The following USP45 variants were observed in gnomAD, a reference collection of about 807,000 sequenced individuals.
USP45 encodes the protein ubiquitin carboxyl-terminal hydrolase 45.
USP45 carries 89 observed loss-of-function variants against 95.8 expected under a neutral mutation model. The observed-to-expected ratio is 0.93, with a 90% CI of 0.78 to 1.11. The LOEUF is 1.11. Among genes scored for constraint, USP45 ranks in the 50% least tolerant of loss-of-function variants. The pLI, the probability that USP45 is intolerant of heterozygous loss-of-function variation, is 0.00. For synonymous variants in USP45, 281 were observed against 316.2 expected (o/e 0.89, Z 1.18); for missense variants, 898 against 942.5 (o/e 0.95, Z 0.62).
At chr6:99,511,880 T>TATATAC (rs1164282503) in intron 1 of USP45, among the ~76,000 whole-genome samples, 6 of 139,352 alleles carry the variant, frequency 4.3e-5, no homozygotes, top group Non-Finnish European at 9.3e-5. Flanking sequence ...TATATATATA[T>TATATAC]ATATATACAC....
chr6:99,446,073 T>C lies in USP45; in HGVS notation c.1699A>G (p.Thr567Ala), dbSNP rs375665297. ...TCAAAATCTTGATCTCCAGTTACAG[T>C]GCTGCTCAAACGAAGTTCAGAAATA... is the stretch of plus-strand genomic sequence containing the variant. ...EAISELRLSS[T>A]VTGDQDFDRE... is the part of the protein sequence containing the mutation. The change falls in exon 14 of 18, where the codon ACT becomes GCT. Residue 567 changes from threonine (T) to alanine (A), a missense_variant. Thr to Ala is a moderately conservative substitution (Grantham distance 58). Coordinates refer to ENST00000500704, the MANE Select transcript of USP45 (RefSeq NM_001346022.3). 1 of 1,613,956 alleles carries C rather than the reference T, an allele frequency of 6.2e-7. No individual in the cohort carries two copies. Among genetic ancestry groups the C allele is most frequent in the Non-Finnish European group, 8.5e-7 (1 of 1,180,040 alleles).
rs1780202394 is a variant in USP45, at chr6:99,434,766, A to G, written c.*950T>C. 1 of 152,202 alleles carries G rather than the reference A, an allele frequency of 6.6e-6. No individual in the cohort carries two copies. Among genetic ancestry groups the G allele is most frequent in the Non-Finnish European group, 1.5e-5 (1 of 68,014 alleles). The allele number at this position is 152,202 out of a possible 1,614,324, so 9.4% of individuals were successfully genotyped here. ...AAGAATATAATTCTCTATCATTTACAAATATAATTTGGTAATTTATATTTC... is the reference window on the plus strand; with the variant it reads ...AAGAATATAATTCTCTATCATTTACGAATATAATTTGGTAATTTATATTTC... On this transcript the variant is annotated 3_prime_UTR_variant, in exon 18 of 18. Coordinates refer to ENST00000500704, the MANE Select transcript of USP45 (RefSeq NM_001346022.3).
chr6:99,504,471 T>C lies in USP45; in HGVS notation c.378-606A>G, dbSNP rs538955100. Among the ~76,000 whole-genome samples, 3 of 152,206 alleles carry C rather than the reference T, an allele frequency of 2.0e-5. No individual in the cohort carries two copies. In the South Asian group the frequency reaches 6.2e-4, roughly 32 times the overall value. On this transcript the variant is annotated intron_variant, in intron 4 of 17. Coordinates refer to ENST00000500704, the MANE Select transcript of USP45 (RefSeq NM_001346022.3). ...TACACTTTAAAAACATCACTCTCACTAATGTGATAAACTAGATTGGAGGGA... is the reference window on the plus strand; with the variant it reads ...TACACTTTAAAAACATCACTCTCACCAATGTGATAAACTAGATTGGAGGGA...
intron 5 of USP45, among the ~76,000 whole-genome samples, chr6:99,493,083 C>T (rs1185194927): frequency 1.3e-5 from 2 of 151,940 alleles, no homozygotes; most frequent in African/African-American, 4.8e-5. Context: ...GGCTGGAGTG[C>T]AGTGGCACGA....
chr6:99,466,555 T>C (rs1413107626), intron 11 of USP45, 117 bp downstream of exon 11: 4 of 759,898 alleles, frequency 5.3e-6, no homozygotes, highest in Non-Finnish European at 8.9e-6. Context: ...AGAATCATTA[T>C]GTAATCATCT....
chr6:99,461,422 ACT>A, intron 13 of USP45: 2 of 985,284 alleles, frequency 2.0e-6, no homozygotes, highest in Non-Finnish European at 2.4e-6. Context: ...ATGGCTATTT[ACT>A]CTGTTTACGT....
At chr6:99,511,854 T>C (rs1799928895) in intron 1 of USP45, among the ~76,000 whole-genome samples, 1 of 15,406 alleles carries the variant, frequency 6.5e-5, no homozygotes, top group Non-Finnish European at 1.3e-4. Flanking sequence ...TGTATATATA[T>C]ATATATATAT....
chr6:99,469,649 T>G (rs939383663), intron 9 of USP45, among the ~76,000 whole-genome samples: 10 of 151,642 alleles, frequency 6.6e-5, no homozygotes, highest in Admixed American at 4.6e-4. Flanking sequence ...CTGGCTAATT[T>G]TTAAAAATTT....
At chr6:99,462,551 T>C (rs1786724300) in intron 13 of USP45, 2 of 985,382 alleles carry the variant, frequency 2.0e-6, no homozygotes, top group South Asian at 4.7e-5. Flanking sequence ...TTTTATACCA[T>C]TAGAATAAAG....
At position 99,460,440 on chromosome 6, in the gene USP45, T is replaced by A. The variant is rs115709734; in HGVS notation, c.1308+4164A>T. Among the ~76,000 whole-genome samples the A allele has an allele frequency of 8.1e-3, 1,230 of 152,208 alleles. 17 individuals carry two copies. Among genetic ancestry groups the A allele is most frequent in the African/African-American group, 0.028 (1,178 of 41,530 alleles). ...CAACACCACATGATAAACAAAAATA[T>A]CCTTGCAACTGTTTTACTTGGACTT... is the stretch of plus-strand genomic sequence containing the variant. On this transcript the variant is annotated intron_variant, in intron 13 of 17. Coordinates refer to ENST00000500704, the MANE Select transcript of USP45 (RefSeq NM_001346022.3).
chr6:99,492,745 G>C (rs1335910658), intron 5 of USP45, among the ~76,000 whole-genome samples: 3 of 152,058 alleles, frequency 2.0e-5, no homozygotes, highest in African/African-American at 7.2e-5. Context: ...GCACGCCTTG[G>C]CCTCCCAAAG....
intron 8 of USP45, among the ~76,000 whole-genome samples, chr6:99,478,220 G>GTTTTTTT (rs71021740): frequency 2.0e-5 from 2 of 99,450 alleles, no homozygotes; most frequent in Non-Finnish European, 3.9e-5. Flanking sequence ...ACTTAGATTT[G>GTTTTTTT]TTTTTTTTTT....
rs1192009636 is a variant in USP45, at chr6:99,455,096, A to AAC, written c.1309-8634_1309-8633insGT. ...CAGAGCGACACTCCATCTCAAAAAAAAAAAAACAAAAAACAAAAAAACAAA... is the reference window on the plus strand; with the variant it reads ...CAGAGCGACACTCCATCTCAAAAAAAACAAAAAACAAAAAACAAAAAAACAAA... On this transcript the variant is annotated intron_variant, in intron 13 of 17. Transcript: ENST00000500704. Among the ~76,000 whole-genome samples the AAC allele has an allele frequency of 8.2e-3, 1,236 of 150,942 alleles. 10 individuals carry two copies. Among genetic ancestry groups the AAC allele is most frequent in the Non-Finnish European group, 0.011 (720 of 67,762 alleles).
chr6:99,465,809 T>C (rs1158826776), intron 11 of USP45, among the ~76,000 whole-genome samples: 3 of 152,152 alleles, frequency 2.0e-5, no homozygotes, highest in Non-Finnish European at 4.4e-5. Flanking sequence ...AGTCATACAC[T>C]TACAGAAATA....
intron 10 of USP45, among the ~76,000 whole-genome samples, 166 bp from the exon 11 acceptor site, chr6:99,466,929 C>A (rs1788123116): frequency 6.6e-6 from 1 of 152,188 alleles, no homozygotes; most frequent in African/African-American, 2.4e-5. Flanking sequence ...TTCTCCTTTA[C>A]AATTTTGTAG....
chr6:99,446,274 T>A lies in USP45; in HGVS notation c.1498A>T (p.Asn500Tyr). 6.2e-7 allele frequency: 1 copy of A among 1,614,206 alleles called. No individual in the cohort carries two copies. The change falls in exon 14 of 18, where the codon AAT becomes TAT. Residue 500 changes from asparagine to tyrosine, a missense_variant. By Grantham distance (143) the Asn-to-Tyr change is moderately radical (BLOSUM62 -2). Coordinates refer to ENST00000500704, the MANE Select transcript of USP45 (RefSeq NM_001346022.3). ...SEKEASHSES[N>Y]VDADSEPSES... The stretch of plus-strand genomic sequence containing the variant: ...GAAGGCTCACTGTCAGCATCAACAT[T>A]GCTTTCAGAATGGCTGGCTTCTTTT...
intron 13 of USP45, among the ~76,000 whole-genome samples, chr6:99,459,570 T>G (rs7760472): frequency 1.3e-5 from 2 of 152,008 alleles, no homozygotes; most frequent in Non-Finnish European, 2.9e-5. Context: ...CACTGCTTTC[T>G]GCAACGGTTG....
intron 5 of USP45, among the ~76,000 whole-genome samples, chr6:99,499,813 T>C (rs1325453770): frequency 6.6e-6 from 1 of 152,256 alleles, no homozygotes; most frequent in Non-Finnish European, 1.5e-5. Context: ...GGCTCATCCA[T>C]GATTCCTTTT....
At chr6:99,512,232 G>A (rs7775207) in intron 1 of USP45, among the ~76,000 whole-genome samples, 36,813 of 151,926 alleles carry the variant, frequency 0.24, 4,735 homozygotes, top group East Asian at 0.37. Context: ...GCCAGTGCAT[G>A]AGTCACCTTG....
Sources: allele counts gnomAD v4.1 joint callset (sites outside exome capture counted in the v4.1 genomes callset), GRCh38; gene constraint gnomAD v4.1.1; transcripts MANE v1.5; gene names NCBI Gene and HGNC (gene_info 2026-07-23, HGNC 2026-07-21).